PTPRK: variants seen among roughly 807,000 people sequenced by gnomAD.
PTPRK encodes the protein protein tyrosine phosphatase receptor type K, also known as receptor-type tyrosine-protein phosphatase kappa.
PTPRK carries 75 observed loss-of-function variants against 178.0 expected under a neutral mutation model. The ratio of observed to expected loss-of-function variants is 0.42; its 90% CI spans 0.35 to 0.51. PTPRK has a LOEUF of 0.51. Among genes scored for constraint, PTPRK ranks in the 20% least tolerant of loss-of-function variants. The pLI is 0.02. For missense variants in PTPRK, 1,441 were observed against 1,797.8 expected (o/e 0.80, Z 3.59); for synonymous variants, 637 against 620.6 (o/e 1.03, Z -0.39).
chr6:128,520,567 T>G lies in PTPRK; in HGVS notation c.-209A>C, dbSNP rs1858908414. 2 of 558,314 alleles carry G rather than the reference T, an allele frequency of 3.6e-6. No homozygotes were observed. The highest frequency in any genetic ancestry group is 6.5e-6 in the Non-Finnish European group (2 of 308,784). The allele number at this position is 558,314 out of a possible 1,614,324, so 34.6% of individuals were successfully genotyped here. On this transcript the variant is annotated 5_prime_UTR_variant, in exon 1 of 30. Transcript: ENST00000368226. ...GTCGCCGGCCGGCCGCGGCGGCAGC[T>G]CTCCATGCTCGGCGGAGGCTGCTCC...
chr6:128,093,803 A>C (rs1221344959), intron 7 of PTPRK, among the ~76,000 whole-genome samples: 1 of 151,970 alleles, frequency 6.6e-6, no homozygotes, highest in African/African-American at 2.4e-5. Flanking sequence ...AGTATTCCAG[A>C]AGGTACTAAA....
chr6:128,405,394 A>C (rs1009087446), intron 1 of PTPRK, among the ~76,000 whole-genome samples: 2 of 152,180 alleles, frequency 1.3e-5, no homozygotes, highest in Non-Finnish European at 2.9e-5. Context: ...GTTTTCCCAA[A>C]GATCATTAGT....
At chr6:128,387,378 A>C (rs1383513857) in intron 2 of PTPRK, among the ~76,000 whole-genome samples, 1 of 152,248 alleles carries the variant, frequency 6.6e-6, no homozygotes, top group Non-Finnish European at 1.5e-5. Context: ...ATGATAATGC[A>C]AACAAATTTT....
At chr6:128,285,767 T>C (rs143711972) in intron 3 of PTPRK, among the ~76,000 whole-genome samples, 46 of 152,182 alleles carry the variant, frequency 3.0e-4, no homozygotes, top group Non-Finnish European at 5.9e-4. Flanking sequence ...GACACTGCAC[T>C]GTTGCCTGGG....
chr6:128,476,908 G>A (rs757990782), intron 1 of PTPRK, among the ~76,000 whole-genome samples: 1 of 151,518 alleles, frequency 6.6e-6, no homozygotes, highest in Non-Finnish European at 1.5e-5. Context: ...AATCAATCTT[G>A]AGAGTGAAAA....
intron 3 of PTPRK, among the ~76,000 whole-genome samples, chr6:128,266,393 G>A (rs1818954325): frequency 6.6e-6 from 1 of 152,092 alleles, no homozygotes; most frequent in Non-Finnish European, 1.5e-5. Flanking sequence ...CCAGACAGAT[G>A]GGTTAATGAG....
At chr6:128,142,518 TA>T (rs1795917219) in intron 7 of PTPRK, among the ~76,000 whole-genome samples, 1 of 151,528 alleles carries the variant, frequency 6.6e-6, no homozygotes, top group South Asian at 2.1e-4. Context: ...TGTGTGTGTG[TA>T]AAATATATGG....
chr6:128,031,639 T>A (rs1176645018), intron 13 of PTPRK, among the ~76,000 whole-genome samples: 2 of 152,058 alleles, frequency 1.3e-5, no homozygotes, highest in Admixed American at 6.6e-5. Flanking sequence ...CAAATCAATT[T>A]AAAAAAAATC....
At chr6:127,976,198 G>A (rs1271140975) in intron 27 of PTPRK, among the ~76,000 whole-genome samples, 1 of 152,186 alleles carries the variant, frequency 6.6e-6, no homozygotes, top group East Asian at 1.9e-4. Context: ...ACTTGGAACA[G>A]TGACATGGAA....
chr6:128,431,254 T>C (rs148018278), intron 1 of PTPRK, among the ~76,000 whole-genome samples: 1 of 152,272 alleles, frequency 6.6e-6, no homozygotes, highest in Non-Finnish European at 1.5e-5. Context: ...TCTTAATTAT[T>C]GTGCAAATGT....
intron 29 of PTPRK, among the ~76,000 whole-genome samples, chr6:127,970,634 A>G (rs1346821617): frequency 6.6e-6 from 1 of 152,116 alleles, no homozygotes; most frequent in African/African-American, 2.4e-5. Context: ...ATAAAGAATG[A>G]GAAAAAGAGC....
intron 2 of PTPRK, among the ~76,000 whole-genome samples, chr6:128,368,667 G>A (rs1376221717): frequency 6.6e-6 from 1 of 152,058 alleles, no homozygotes; most frequent in African/African-American, 2.4e-5. Context: ...CTAGAGTGAG[G>A]GGTGAGCCAT....
chr6:128,488,818 G>A (rs1853348060), intron 1 of PTPRK, among the ~76,000 whole-genome samples: 1 of 151,806 alleles, frequency 6.6e-6, no homozygotes, highest in South Asian at 2.1e-4. Context: ...AATCTAAAGG[G>A]AATTCTTAAA....
rs551025925 is a variant in PTPRK, at chr6:128,185,608, T to C, written c.869-883A>G. Among the ~76,000 whole-genome samples, 5 of 152,268 alleles carry C rather than the reference T, an allele frequency of 3.3e-5. No homozygotes were observed. In the South Asian group the frequency reaches 1.0e-3, roughly 32 times the overall value. On this transcript the variant is annotated intron_variant, in intron 6 of 29. Coordinates refer to ENST00000368226, the MANE Select transcript of PTPRK (RefSeq NM_002844.4). Reference sequence around the variant, plus strand: ...ATTCCTGGAACACTTCTCACTTTTCTCAGGAAAGTCAAAAGACCTAAAGAA... The same window carrying C: ...ATTCCTGGAACACTTCTCACTTTTCCCAGGAAAGTCAAAAGACCTAAAGAA...
chr6:128,467,278 T>TG (rs1206990134), intron 1 of PTPRK, among the ~76,000 whole-genome samples: 2 of 152,166 alleles, frequency 1.3e-5, no homozygotes, highest in Non-Finnish European at 2.9e-5. Flanking sequence ...GCCATTGGAC[T>TG]GGCCTAGTGC....
chr6:128,201,705 T>C (rs890347401), intron 6 of PTPRK, among the ~76,000 whole-genome samples: 12 of 151,984 alleles, frequency 7.9e-5, no homozygotes, highest in African/African-American at 2.9e-4. Context: ...TTAAAAAATA[T>C]ATATATTTTA....
Position 127,996,882 on chromosome 6 carries a change from G to T in PTPRK, c.2767+19C>A, listed in dbSNP as rs572044967. 199 of 1,603,210 alleles carry T rather than the reference G, an allele frequency of 1.2e-4. No individual in the cohort carries two copies. The highest frequency in any genetic ancestry group is 1.1e-3 in the Middle Eastern group (6 of 5,574). The stretch of plus-strand genomic sequence containing the variant: ...AGCATATAATATTTACATTCACCAA[G>T]AATTGAATGGGAACTTACATGCTAT... On this transcript the variant is annotated intron_variant, in intron 17 of 29. Coordinates refer to ENST00000368226, the MANE Select transcript of PTPRK (RefSeq NM_002844.4).
At chr6:128,422,151 TTTTAGCATGTTA>T (rs1428350333) in intron 1 of PTPRK, among the ~76,000 whole-genome samples, 1 of 152,250 alleles carries the variant, frequency 6.6e-6, no homozygotes, top group African/African-American at 2.4e-5. Flanking sequence ...ATGCACACAT[TTTTAGCATGTTA>T]TTTTTGTTGT....
chr6:128,429,912 T>C lies in PTPRK; in HGVS notation c.101-32224A>G, dbSNP rs1844610181. Among the ~76,000 whole-genome samples, 3 of 152,256 alleles carry C rather than the reference T, an allele frequency of 2.0e-5. No individual in the cohort carries two copies. The South Asian group carries it at 6.2e-4, about 31-fold the overall frequency. On this transcript the variant is annotated intron_variant, in intron 1 of 29. Coordinates refer to ENST00000368226, the MANE Select transcript of PTPRK (RefSeq NM_002844.4). ...ATGCAATATAAAGTTAATTTTAAAC[T>C]ATAGGCATTTTATCATTTTTGAATT...
Sources: gnomAD v4.1 joint callset for allele counts (sites outside exome capture counted in the v4.1 genomes callset) on GRCh38, gnomAD v4.1.1 for gene constraint, MANE v1.5 for transcripts, NCBI Gene and HGNC (gene_info 2026-07-23, HGNC 2026-07-21) for gene names.